The following VPS16 variants were observed in gnomAD, a reference collection of about 807,000 sequenced individuals.
VPS16 encodes vacuolar protein sorting-associated protein 16 homolog.
VPS16 carries 82 observed loss-of-function variants against 116.0 expected under a neutral mutation model. The observed-to-expected ratio is 0.71, with a 90% CI of 0.59 to 0.85. The LOEUF is 0.85. VPS16 is among the 40% of genes least tolerant of loss of function. VPS16 has a pLI of 0.00. For synonymous variants in VPS16, 406 were observed against 420.7 expected (o/e 0.96, Z 0.43); for missense variants, 928 against 1,090.6 (o/e 0.85, Z 2.10).
In VPS16 at chr20:2,866,287, CAGA is replaced by C. The variant is rs761935698; in HGVS notation, c.2350_2352del (p.Lys784del). 1.8e-5 allele frequency: 29 copies of C among 1,613,998 alleles called. No individual in the cohort carries two copies. The African/African-American group carries it at 2.7e-4, about 15-fold the overall frequency. ...GTATGCTTCCCGCGTGGGTCCCGAGCAGAAGGTCAAGGCTTTGCTTCTTGTTGG... is the reference window on the plus strand; with the variant it reads ...GTATGCTTCCCGCGTGGGTCCCGAGCAGGTCAAGGCTTTGCTTCTTGTTGG... On this transcript the variant is annotated inframe_deletion, in exon 23 of 24. Transcript: ENST00000380445.
In VPS16 at chr20:2,841,502, G is replaced by A. The variant is rs117500713; in HGVS notation, c.53+675G>A. Among the ~76,000 whole-genome samples the A allele has an allele frequency of 5.9e-4, 90 of 152,304 alleles. 1 individual carries two copies. In the East Asian group the frequency reaches 0.014, roughly 24 times the overall value. On this transcript the variant is annotated intron_variant, in intron 1 of 23. Transcript: ENST00000380445. ...CCAAATCTTGCGTTCCAGCTGCGCAGAATTACAAGGCCCTAACCAGTCTGC... is the reference window on the plus strand; with the variant it reads ...CCAAATCTTGCGTTCCAGCTGCGCAAAATTACAAGGCCCTAACCAGTCTGC...
In VPS16 at chr20:2,865,736, A is replaced by G. The variant is rs2089328585; in HGVS notation, c.2271+241A>G. 6.6e-6 allele frequency among the ~76,000 whole-genome samples: 1 copy of G among 152,166 alleles called. No homozygotes were observed. The highest frequency in any genetic ancestry group is 2.4e-5 in the African/African-American group (1 of 41,430). Reference sequence around the variant, plus strand: ...GGAGAGAGAATGAGCTGCTTTCCCCAGGGAGGGCCACAGGGGGCACTATGT... The same window carrying G: ...GGAGAGAGAATGAGCTGCTTTCCCCGGGGAGGGCCACAGGGGGCACTATGT... On this transcript the variant is annotated intron_variant, in intron 22 of 23. Coordinates refer to ENST00000380445, the MANE Select transcript of VPS16 (RefSeq NM_022575.4). The surrounding 1 kb of genome is among the most constrained non-coding windows in gnomAD (Gnocchi z 5.2).
chr20:2,840,942 G>C, intron 1 of VPS16, 115 bp downstream of exon 1: 1 of 1,015,802 alleles, frequency 9.8e-7, no homozygotes, highest in Non-Finnish European at 1.4e-6. Flanking sequence ...GCCCCGCGCC[G>C]GCTCTCCCCG....
intron 11 of VPS16, chr20:2,862,347 C>A: frequency 9.9e-7 from 1 of 1,009,728 alleles, no homozygotes; most frequent in Non-Finnish European, 1.4e-6. Context: ...CCCACCCAGT[C>A]TGGGTTACTA....
rs199626431 is a variant in VPS16, at chr20:2,864,118, G to A, written c.1611+35G>A. 6.2e-7 allele frequency: 1 copy of A among 1,613,774 alleles called. No homozygotes were observed. Among genetic ancestry groups the A allele is most frequent in the African/African-American group, 1.3e-5 (1 of 75,050 alleles). On this transcript the variant is annotated intron_variant, in intron 16 of 23. Coordinates refer to ENST00000380445, the MANE Select transcript of VPS16 (RefSeq NM_022575.4). This position sits in a 1 kb window ranked among gnomAD's most constrained non-coding sequence, Gnocchi z 5.2. ...CCCAGCCCTCCACAGACACTCTGAT[G>A]TGGTTGTTCAGGGCCCCCATGCCAG...
chr20:2,856,239 A>G (rs892466881), intron 1 of VPS16, among the ~76,000 whole-genome samples: 1 of 152,162 alleles, frequency 6.6e-6, no homozygotes, highest in Non-Finnish European at 1.5e-5. Flanking sequence ...TCGTTGGTGG[A>G]GCAGTCAGAA....
chr20:2,846,172 A>G (rs1256015198), intron 1 of VPS16, among the ~76,000 whole-genome samples: 1 of 131,248 alleles, frequency 7.6e-6, no homozygotes, highest in Non-Finnish European at 1.5e-5. Context: ...GCTGGAGTGC[A>G]GTGGCGCGAT....
rs757294943 is a variant in VPS16 at position 2,860,019 on chromosome 20, G to T, written c.143-35G>T. ...CCTGCTTCACATGGGGTGGGCCTAG[G>T]GAGCTAGGACAGAAGGTCTCTTCTC... On this transcript the variant is annotated intron_variant, in intron 2 of 23. Transcript: ENST00000380445. The surrounding 1 kb of genome is among the most constrained non-coding windows in gnomAD (Gnocchi z 6.1). 10 of 1,611,090 alleles carry T rather than the reference G, an allele frequency of 6.2e-6. No homozygotes were observed. The highest frequency in any genetic ancestry group is 1.3e-5 in the African/African-American group (1 of 74,862).
At position 2,865,087 on chromosome 20, in the gene VPS16, G is replaced by A. The variant is rs569808757; in HGVS notation, c.2004+32G>A. 26 of 1,614,104 alleles carry A rather than the reference G, an allele frequency of 1.6e-5. No individual in the cohort carries two copies. Among genetic ancestry groups the A allele is most frequent in the South Asian group, 6.6e-5 (6 of 91,088 alleles). On this transcript the variant is annotated intron_variant, in intron 20 of 23. Transcript: ENST00000380445. This position sits in a 1 kb window ranked among gnomAD's most constrained non-coding sequence, Gnocchi z 5.2. Reference sequence around the variant, plus strand: ...CCCACCTTTTTCCAAGAGCCTCCTCGTCTCCTGGTCTTCCCTCCTGGTCCC... The same window carrying A: ...CCCACCTTTTTCCAAGAGCCTCCTCATCTCCTGGTCTTCCCTCCTGGTCCC...
rs2089246233 is a variant in VPS16, at chr20:2,862,678, C to T, written c.1171C>T (p.His391Tyr). Reference protein sequence around the residue: ...QQCIEAAGHEHQPDMQKSLLR... With the variant: ...QQCIEAAGHEYQPDMQKSLLR... ...GTGCATTGAGGCTGCAGGACATGAG[C>T]ACCAGCCAGACATGCAGAAGAGTCT... Residue 391 changes from histidine to tyrosine, a missense_variant, in exon 12 of 24, where the codon CAC (histidine) becomes TAC (tyrosine). Coordinates refer to ENST00000380445, the MANE Select transcript of VPS16 (RefSeq NM_022575.4). 1.9e-6 allele frequency: 3 copies of T among 1,611,776 alleles called. No individual in the cohort carries two copies. In the South Asian group the frequency reaches 3.3e-5, roughly 18 times the overall value.
intron 1 of VPS16, among the ~76,000 whole-genome samples, chr20:2,858,480 C>T (rs2089196688): frequency 6.6e-6 from 1 of 152,110 alleles, no homozygotes; most frequent in African/African-American, 2.4e-5. Flanking sequence ...AAAATATAAA[C>T]ATCTCTTTAT....
chr20:2,866,688 A>G lies in VPS16; in HGVS notation c.*114A>G, dbSNP rs1286216566. The G allele has an allele frequency of 4.8e-6, 7 of 1,471,886 alleles. No individual in the cohort carries two copies. Among genetic ancestry groups the G allele is most frequent in the African/African-American group, 1.4e-5 (1 of 71,358 alleles). 91.2% of individuals were successfully genotyped at this position (1,471,886 alleles called of 1,614,324 possible). On this transcript the variant is annotated 3_prime_UTR_variant, in exon 24 of 24. Coordinates refer to ENST00000380445, the MANE Select transcript of VPS16 (RefSeq NM_022575.4). The stretch of plus-strand genomic sequence containing the variant: ...TAGAGCAATGCTGAGGAGCGGGGGC[A>G]TGGTAGCAGGGCTGTCTGGTTTTAA...
intron 1 of VPS16, among the ~76,000 whole-genome samples, chr20:2,856,095 A>G (rs1165364019): frequency 6.6e-6 from 1 of 152,200 alleles, no homozygotes. Context: ...CTTTTGATTT[A>G]AAGTGAGAGA....
At chr20:2,851,410 A>T (rs2089119631) in intron 1 of VPS16, among the ~76,000 whole-genome samples, 1 of 151,888 alleles carries the variant, frequency 6.6e-6, no homozygotes, top group Non-Finnish European at 1.5e-5. Context: ...GGGGTTCGAG[A>T]TCAGCCTGAC....
chr20:2,866,506 A>G lies in VPS16; in HGVS notation c.2452A>G (p.Thr818Ala). The change falls in exon 24 of 24, where the codon ACG becomes GCG. Residue 818 changes from threonine to alanine, a missense_variant. Coordinates refer to ENST00000380445, the MANE Select transcript of VPS16 (RefSeq NM_022575.4). Reference protein sequence around the residue: ...AELSLVLSHCTGATDGATADK... With the variant: ...AELSLVLSHCAGATDGATADK... Reference sequence around the variant, plus strand: ...GCTGAGCCTCGTATTGTCCCACTGCACGGGAGCCACAGATGGGGCCACAGC... The same window carrying G: ...GCTGAGCCTCGTATTGTCCCACTGCGCGGGAGCCACAGATGGGGCCACAGC... 6.2e-7 allele frequency: 1 copy of G among 1,614,182 alleles called. No homozygotes were observed. The highest frequency in any genetic ancestry group is 8.5e-7 in the Non-Finnish European group (1 of 1,180,028).
chr20:2,847,853 C>G (rs1331225209), intron 1 of VPS16, among the ~76,000 whole-genome samples: 2 of 152,172 alleles, frequency 1.3e-5, no homozygotes, highest in Non-Finnish European at 2.9e-5. Context: ...ATCCTTCAGC[C>G]TCCTCAGGAT....
In VPS16 at chr20:2,842,821, GATAGACATATAGATGTATCT is replaced by G. The variant is rs1340907032; in HGVS notation, c.53+1997_53+2016del. Among the ~76,000 whole-genome samples the G allele has an allele frequency of 5.9e-3, 52 of 8,770 alleles. 3 individuals are homozygous for G. Among genetic ancestry groups the G allele is most frequent in the South Asian group, 0.023 (6 of 260 alleles). The allele number at this position is 8,770 out of a possible 152,430, so 5.8% of individuals were successfully genotyped here. A position where few individuals can be genotyped will look rare whatever the true frequency, so the allele number is the denominator to read the frequency against. On this transcript the variant is annotated intron_variant, in intron 1 of 23. Transcript: ENST00000380445. The stretch of plus-strand genomic sequence containing the variant: ...AGACATATAGATGTATCTATCTATA[GATAGACATATAGATGTATCT>G]ATCGATAGATAGATGTATCTATCGA...
intron 1 of VPS16, 126 bp from the exon 2 acceptor site, chr20:2,859,593 T>C: frequency 3.7e-6 from 4 of 1,084,410 alleles, no homozygotes; most frequent in Non-Finnish European, 5.5e-6. Context: ...CCTCTGGGGG[T>C]AGAGAGTGGA....
At chr20:2,866,349 G>A in intron 23 of VPS16, 34 bp downstream of exon 23, 1 of 1,614,116 alleles carries the variant, frequency 6.2e-7, no homozygotes, top group Non-Finnish European at 8.5e-7. Context: ...GTGCTGGGTG[G>A]CTGAGCTGTG....
Sources: allele counts gnomAD v4.1 joint callset (sites outside exome capture counted in the v4.1 genomes callset), GRCh38; gene constraint gnomAD v4.1.1; non-coding constraint Gnocchi (gnomAD v3.1); transcripts MANE v1.5; gene names NCBI Gene and HGNC (gene_info 2026-07-23, HGNC 2026-07-21).